Variants in CHRM5 observed in about 807,000 individuals in gnomAD.
The protein encoded by CHRM5 is cholinergic receptor muscarinic 5.
CHRM5 carries 18 observed loss-of-function variants against 39.0 expected under a neutral mutation model. That is an observed-to-expected ratio of 0.46 (90% CI 0.32 to 0.68). CHRM5 has a LOEUF of 0.68. Ranked by LOEUF, CHRM5 falls within the 30% of genes least tolerant of loss-of-function variation. The pLI, the probability that CHRM5 is intolerant of heterozygous loss-of-function variation, is 0.04. For missense variants in CHRM5, 515 were observed against 651.1 expected (o/e 0.79, Z 2.28); for synonymous variants, 241 against 246.3 (o/e 0.98, Z 0.20).
chr15:34,048,079 T>C (rs1389997446), intron 2 of CHRM5, among the ~76,000 whole-genome samples: 2 of 152,188 alleles, frequency 1.3e-5, no homozygotes, highest in African/African-American at 4.8e-5. Flanking sequence ...TTTCACCCTG[T>C]TGCCCAGGCT....
chr15:34,036,441 TC>T (rs1277390628), intron 1 of CHRM5, among the ~76,000 whole-genome samples: 3 of 152,190 alleles, frequency 2.0e-5, no homozygotes, highest in African/African-American at 7.2e-5. Flanking sequence ...GATTTTTTTT[TC>T]CTTTGATCAT....
rs1258157038 is a variant in CHRM5 at position 34,066,524 on chromosome 15, G to T, written c.*2208G>T. 1 of 152,238 alleles carries T rather than the reference G, an allele frequency of 6.6e-6. No homozygotes were observed. Among genetic ancestry groups the T allele is most frequent in the Non-Finnish European group, 1.5e-5 (1 of 68,062 alleles). The allele number at this position is 152,238 out of a possible 1,614,324, so 9.4% of individuals were successfully genotyped here. On this transcript the variant is annotated 3_prime_UTR_variant, in exon 3 of 3. Transcript: ENST00000383263. ...TGTGAAATTGATTAAGAAGTGTATT[G>T]CTGGGTGTGGTGGCTGACACCTGTA...
chr15:34,055,192 CA>C (rs796394630), intron 2 of CHRM5, among the ~76,000 whole-genome samples: 173 of 132,784 alleles, frequency 1.3e-3, no homozygotes, highest in Middle Eastern at 4.6e-3. Context: ...AACTCCGTCT[CA>C]AAAAAAAAAA....
intron 1 of CHRM5, among the ~76,000 whole-genome samples, chr15:33,985,293 T>C (rs781326435): frequency 8.2e-5 from 10 of 121,228 alleles, no homozygotes; most frequent in Non-Finnish European, 1.4e-4. Flanking sequence ...TGGTTCCTCA[T>C]TGCCCCCGTC....
intron 1 of CHRM5, among the ~76,000 whole-genome samples, chr15:33,993,384 C>A (rs1018065899): frequency 2.0e-5 from 3 of 152,110 alleles, no homozygotes; most frequent in Admixed American, 6.6e-5. Context: ...TGACTTTGAA[C>A]AACCGTCCCC....
At position 34,008,562 on chromosome 15, in the gene CHRM5, C is replaced by T. The variant is rs574895891; in HGVS notation, c.-407-37978C>T. ...GGAGTGCAGTGGCACAATCTCGGCT[C>T]GCTGCAACCTCCGCCTCCCGGGTTC... On this transcript the variant is annotated intron_variant, in intron 1 of 2. Transcript: ENST00000383263. Among the ~76,000 whole-genome samples, 184 of 147,342 alleles carry T rather than the reference C, an allele frequency of 1.2e-3. 2 individuals carry two copies. The highest frequency in any genetic ancestry group is 4.5e-3 in the African/African-American group (172 of 38,358).
chr15:33,982,040 T>G (rs1274835325), intron 1 of CHRM5, among the ~76,000 whole-genome samples: 23 of 151,652 alleles, frequency 1.5e-4, no homozygotes, highest in Non-Finnish European at 2.9e-5. Flanking sequence ...TTCTTTTTTT[T>G]TTTATTAGTA....
intron 1 of CHRM5, among the ~76,000 whole-genome samples, chr15:34,030,226 C>T (rs1410107291): frequency 6.6e-6 from 1 of 152,252 alleles, no homozygotes; most frequent in South Asian, 2.1e-4. Flanking sequence ...TGCATTCCAG[C>T]CTGGGTGACA....
chr15:34,062,626 G>T lies in CHRM5; in HGVS notation c.-75-17G>T. 1.7e-6 allele frequency: 2 copies of T among 1,148,860 alleles called. No individual in the cohort carries two copies. Among genetic ancestry groups the T allele is most frequent in the Non-Finnish European group, 2.5e-6 (2 of 804,320 alleles). 71.2% of individuals were successfully genotyped at this position (1,148,860 alleles called of 1,614,324 possible). A position where few individuals can be genotyped will look rare whatever the true frequency, so the allele number is the denominator to read the frequency against. Reference sequence around the variant, plus strand: ...TCATGCTGGTGTGCGAAGCTAATGTGTTTCCCTCTCTTCCAGATGCTGGCC... The same window carrying T: ...TCATGCTGGTGTGCGAAGCTAATGTTTTTCCCTCTCTTCCAGATGCTGGCC... On this transcript the variant is annotated splice_polypyrimidine_tract_variant and intron_variant, in intron 2 of 2. Coordinates refer to ENST00000383263, the MANE Select transcript of CHRM5 (RefSeq NM_012125.4).
chr15:34,041,265 C>T (rs548861074), intron 1 of CHRM5, among the ~76,000 whole-genome samples: 2 of 152,102 alleles, frequency 1.3e-5, no homozygotes, highest in Admixed American at 6.5e-5. Flanking sequence ...GAGGCAATCA[C>T]CCTGGATGAG....
At chr15:33,995,933 G>T (rs1896914590) in intron 1 of CHRM5, among the ~76,000 whole-genome samples, 1 of 152,206 alleles carries the variant, frequency 6.6e-6, no homozygotes, top group Non-Finnish European at 1.5e-5. Flanking sequence ...CTAGCCAAGG[G>T]AAGCCATGAC....
At chr15:34,060,731 G>C (rs373807778) in intron 2 of CHRM5, among the ~76,000 whole-genome samples, 3 of 152,176 alleles carry the variant, frequency 2.0e-5, no homozygotes, top group Non-Finnish European at 4.4e-5. Context: ...ACAAAAATTA[G>C]CCAGGCTTGG....
At chr15:34,042,536 G>T (rs1046911781) in intron 1 of CHRM5, among the ~76,000 whole-genome samples, 3 of 151,652 alleles carry the variant, frequency 2.0e-5, no homozygotes, top group African/African-American at 7.3e-5. Flanking sequence ...GAGTAGCTAG[G>T]ATTACAGGCA....
intron 1 of CHRM5, among the ~76,000 whole-genome samples, chr15:34,034,027 T>C (rs2632097): frequency 0.99 from 151,039 of 152,226 alleles, 74,943 homozygotes; most frequent in East Asian, 1. Context: ...CCTTGTGATC[T>C]GCCCACCTCA....
At chr15:34,016,475 C>CT (rs1897918120) in intron 1 of CHRM5, among the ~76,000 whole-genome samples, 2 of 151,998 alleles carry the variant, frequency 1.3e-5, no homozygotes, top group African/African-American at 4.8e-5. Flanking sequence ...CCACATGACT[C>CT]TTTTTTCTTA....
intron 2 of CHRM5, among the ~76,000 whole-genome samples, chr15:34,057,221 C>T (rs1460637090): frequency 1.3e-5 from 2 of 151,202 alleles, no homozygotes; most frequent in Non-Finnish European, 2.9e-5. Context: ...GCAGCAACCT[C>T]GGCTTCCCAG....
chr15:33,986,743 G>T (rs898923646), intron 1 of CHRM5, among the ~76,000 whole-genome samples: 1 of 148,926 alleles, frequency 6.7e-6, no homozygotes, highest in Admixed American at 6.7e-5. Flanking sequence ...TGCAACCTCC[G>T]CCTCCCAGGT....
At chr15:34,056,405 G>T (rs1385588802) in intron 2 of CHRM5, among the ~76,000 whole-genome samples, 1 of 152,116 alleles carries the variant, frequency 6.6e-6, no homozygotes, top group Non-Finnish European at 1.5e-5. Flanking sequence ...GATTCCACAG[G>T]ATATTAACAG....
chr15:34,064,363 C>T lies in CHRM5; in HGVS notation c.*47C>T. On this transcript the variant is annotated 3_prime_UTR_variant, in exon 3 of 3. Coordinates refer to ENST00000383263, the MANE Select transcript of CHRM5 (RefSeq NM_012125.4). The stretch of plus-strand genomic sequence containing the variant: ...AAGAACAATGACCACAGTCAACATC[C>T]TCTGAGGATGAGCAAGCTGATTCTG... 1 of 1,543,616 alleles carries T rather than the reference C, an allele frequency of 6.5e-7. No individual in the cohort carries two copies. The highest frequency in any genetic ancestry group is 8.7e-7 in the Non-Finnish European group (1 of 1,147,176).
Sources: allele counts gnomAD v4.1 joint callset (sites outside exome capture counted in the v4.1 genomes callset), GRCh38; gene constraint gnomAD v4.1.1; transcripts MANE v1.5; gene names NCBI Gene and HGNC (gene_info 2026-07-23, HGNC 2026-07-21).